The following ABCA8 variants were observed in gnomAD, a reference collection of about 807,000 sequenced individuals.
ABCA8 encodes the protein ATP binding cassette subfamily A member 8, also known as ABC-type organic anion transporter ABCA8.
ABCA8 carries 177 observed loss-of-function variants against 192.3 expected under a neutral mutation model. That is an observed-to-expected ratio of 0.92 (90% CI 0.81 to 1.04). The LOEUF is 1.04. Among genes scored for constraint, ABCA8 ranks in the 50% least tolerant of loss-of-function variants. ABCA8 has a pLI of 0.00. For synonymous variants in ABCA8, 642 were observed against 690.2 expected, an observed-to-expected ratio of 0.93 and a Z score of 1.09; for missense variants, 1,915 against 1,904.8, an observed-to-expected ratio of 1.01 and a Z score of -0.10.
chr17:68,884,405 G>T lies in ABCA8; in HGVS notation c.3550-9C>A, dbSNP rs1278910863. On this transcript the variant is annotated splice_polypyrimidine_tract_variant and intron_variant, in intron 27 of 39. Transcript: ENST00000586539. ...AGAGAAGAAAAGAGAAGCTGCAAAA[G>T]AAAAGACAATTGCTAAACAGGGAGT... 2 of 1,580,130 alleles carry T rather than the reference G, an allele frequency of 1.3e-6. No homozygotes were observed. The highest frequency in any genetic ancestry group is 8.6e-7 in the Non-Finnish European group (1 of 1,169,032).
intron 5 of ABCA8, among the ~76,000 whole-genome samples, chr17:68,936,594 T>C (rs1282698764): frequency 6.6e-6 from 1 of 152,100 alleles, no homozygotes; most frequent in African/African-American, 2.4e-5. Flanking sequence ...TAGTATAATT[T>C]GAACAACTGA....
chr17:68,925,261 T>TA (rs1463187697), intron 10 of ABCA8, among the ~76,000 whole-genome samples: 2 of 152,054 alleles, frequency 1.3e-5, no homozygotes, highest in South Asian at 2.1e-4. Context: ...TGGATACCTT[T>TA]AAAAAAAATC....
intron 21 of ABCA8, 31 bp downstream of exon 21, chr17:68,902,682 G>A (rs2066944659): frequency 3.8e-6 from 6 of 1,576,126 alleles, no homozygotes; most frequent in Non-Finnish European, 5.2e-6. Context: ...AACAGTAAAT[G>A]TATTTGGAAA....
At chr17:68,926,472 T>A (rs2067701987) in intron 10 of ABCA8, among the ~76,000 whole-genome samples, 1 of 152,188 alleles carries the variant, frequency 6.6e-6, no homozygotes, top group African/African-American at 2.4e-5. Flanking sequence ...AGTGAGATTT[T>A]GCCATAAAAA....
intron 17 of ABCA8, among the ~76,000 whole-genome samples, chr17:68,913,140 T>C (rs188462979): frequency 1.3e-5 from 2 of 152,172 alleles, no homozygotes; most frequent in African/African-American, 4.8e-5. Context: ...TAATATGTGT[T>C]AGAATGACCA....
intron 24 of ABCA8, among the ~76,000 whole-genome samples, chr17:68,887,925 T>TGGATA: frequency 0.1 from 10,105 of 100,480 alleles, 901 homozygotes; most frequent in East Asian, 0.22. Context: ...TATATATATA[T>TGGATA]TATATATGGA....
intron 2 of ABCA8, among the ~76,000 whole-genome samples, chr17:68,944,200 T>A (rs1028729339): frequency 6.6e-6 from 1 of 150,768 alleles, no homozygotes; most frequent in Non-Finnish European, 1.5e-5. Flanking sequence ...AAATACCTAA[T>A]GCATGTGGGG....
intron 33 of ABCA8, chr17:68,877,261 C>T (rs570427320): frequency 1.2e-4 from 37 of 316,592 alleles, no homozygotes; most frequent in Middle Eastern, 8.5e-4. Flanking sequence ...TCAAGCAGTC[C>T]ACCTGCCTCA....
At chr17:68,899,028 T>C (rs2066837333) in intron 21 of ABCA8, among the ~76,000 whole-genome samples, 1 of 152,028 alleles carries the variant, frequency 6.6e-6, no homozygotes, top group Admixed American at 6.5e-5. Context: ...AAACTTTAAG[T>C]AGATTAAAAT....
Position 68,942,015 on chromosome 17 carries a change from C to T in ABCA8, c.20G>A (p.Ser7Asn), listed in dbSNP as rs764166382. The T allele has an allele frequency of 6.2e-7, 1 of 1,612,146 alleles. No individual in the cohort carries two copies. The highest frequency in any genetic ancestry group is 1.3e-5 in the African/African-American group (1 of 74,940). The change falls in exon 3 of 40, where the codon AGT (serine) becomes AAT (asparagine). Residue 7 changes from serine to asparagine, a missense_variant. Ser to Asn is a conservative substitution (Grantham distance 46). Transcript: ENST00000586539. MRKRKI[S>N]VCQQTWALLC... ...TAAGGCCCAAGTTTGTTGACACACA[C>T]TGATCTTTCTCTTCCTCATCTTGTC...
At chr17:68,884,839 T>C in intron 27 of ABCA8, 1 of 985,384 alleles carries the variant, frequency 1.0e-6, no homozygotes. Flanking sequence ...GGACTTTGCT[T>C]ATCTTGGGTG....
intron 24 of ABCA8, among the ~76,000 whole-genome samples, chr17:68,891,061 C>T (rs961593024): frequency 1.3e-5 from 2 of 152,246 alleles, no homozygotes; most frequent in African/African-American, 4.8e-5. Flanking sequence ...AATCTTACCC[C>T]TATTTAAGTT....
chr17:68,894,123 G>C (rs912304369), intron 23 of ABCA8, 50 bp downstream of exon 23: 1 of 1,588,024 alleles, frequency 6.3e-7, no homozygotes, highest in Non-Finnish European at 8.6e-7. Context: ...GGTGATCTGG[G>C]AGATTCCTGA....
At position 68,891,501 on chromosome 17, in the gene ABCA8, G is replaced by A. The variant is rs1301984289; in HGVS notation, c.3132C>T (p.Ile1044=). The A allele has an allele frequency of 1.1e-5, 18 of 1,610,436 alleles. No homozygotes were observed. Among genetic ancestry groups the A allele is most frequent in the Non-Finnish European group, 1.4e-5 (16 of 1,177,782 alleles). The change falls in exon 24 of 40, where the codon ATC becomes ATT. Residue 1044 remains isoleucine (I), a synonymous_variant. Transcript: ENST00000586539. The part of the protein sequence containing the change: ...SCPPYIAMSS[I]DDYKNRARSQ... ...TACTCATTATTACCTTATAATCATC[G>A]ATGCTGCTCATGGCAATGTAAGGTG...
chr17:68,922,466 C>A (rs1453886925), intron 11 of ABCA8, among the ~76,000 whole-genome samples, 166 bp from the exon 12 acceptor site: 2 of 151,890 alleles, frequency 1.3e-5, no homozygotes, highest in Non-Finnish European at 2.9e-5. Flanking sequence ...ATACCGCTTG[C>A]CAACCCTGTC....
chr17:68,929,377 G>T, intron 8 of ABCA8, 143 bp from the exon 9 acceptor site: 1 of 1,053,318 alleles, frequency 9.5e-7, no homozygotes, highest in Non-Finnish European at 1.3e-6. Flanking sequence ...ACAAAACTAT[G>T]CTCTGCAAAT....
intron 2 of ABCA8, among the ~76,000 whole-genome samples, chr17:68,944,015 G>A (rs28405973): frequency 0.023 from 3,441 of 152,012 alleles, 131 homozygotes; most frequent in African/African-American, 0.078. Context: ...GGACATGGAT[G>A]AAGCTGGAAG....
In ABCA8 at chr17:68,932,395, A is replaced by C. The variant is rs1598279258; in HGVS notation, c.690T>G (p.Ile230Met). 6.2e-7 allele frequency: 1 copy of C among 1,613,796 alleles called. No homozygotes were observed. The highest frequency in any genetic ancestry group is 1.1e-5 in the South Asian group (1 of 91,082). Reference sequence around the variant, plus strand: ...AGTAAATGAATGAGGAAAATGAAATAATGCAGGAAAAAAGGTACAAATCAG... The same window carrying C: ...AGTAAATGAATGAGGAAAATGAAATCATGCAGGAAAAAAGGTACAAATCAG... ...VITDLYLFSC[I>M]ISFSSFIYYA... Residue 230 changes from isoleucine to methionine, a missense_variant, in exon 7 of 40, where the codon ATT becomes ATG. Transcript: ENST00000586539.
At chr17:68,950,985 C>G (rs990718136) in intron 1 of ABCA8, among the ~76,000 whole-genome samples, 2 of 151,958 alleles carry the variant, frequency 1.3e-5, no homozygotes, top group African/African-American at 4.8e-5. Context: ...TTTGTTTCTT[C>G]CATTGCTGTG....
Sources: gnomAD v4.1 joint callset for allele counts (sites outside exome capture counted in the v4.1 genomes callset) on GRCh38, gnomAD v4.1.1 for gene constraint, MANE v1.5 for transcripts, NCBI Gene and HGNC (gene_info 2026-07-23, HGNC 2026-07-21) for gene names.